RTL4: variants seen among roughly 807,000 people sequenced by gnomAD.
The protein encoded by RTL4 is retrotransposon Gag like 4.
A neutral mutation model predicts 5.3 loss-of-function variants in RTL4; 4 were observed. That is an observed-to-expected ratio of 0.75 (90% CI 0.37 to 1.72). The LOEUF is 1.72. Ranked by LOEUF, RTL4 falls within the 40% of genes most tolerant of loss-of-function variation. RTL4 has a pLI of 0.04. For missense variants in RTL4, 260 were observed against 227.1 expected (o/e 1.14, Z -0.93); for synonymous variants, 98 against 87.3 (o/e 1.12, Z -0.68).
At chrX:112,420,970 C>G in the RTL4 span, among the ~76,000 whole-genome samples, 3 of 111,681 alleles carry the variant, frequency 2.7e-5, no homozygotes, top group Non-Finnish European at 3.8e-5. Flanking sequence ...TAAAGTTCCA[C>G]CACTACTGTA....
chrX:112,394,844 G>A, the RTL4 span, among the ~76,000 whole-genome samples: 25 of 111,502 alleles, frequency 2.2e-4, no homozygotes, highest in Non-Finnish European at 4.1e-4. Context: ...TCTTTTTATG[G>A]TTAGTATTAA....
At chrX:112,300,773 C>T in the RTL4 span, among the ~76,000 whole-genome samples, 26,523 of 111,422 alleles carry the variant, frequency 0.24, 2,510 homozygotes, top group Admixed American at 0.34. Flanking sequence ...AGCCACATTC[C>T]CCTGCTCCTA....
At chrX:112,191,082 A>T in the RTL4 span, among the ~76,000 whole-genome samples, 1 of 112,459 alleles carries the variant, frequency 8.9e-6, no homozygotes, top group Non-Finnish European at 1.9e-5. Flanking sequence ...GAAGGTAGGG[A>T]TGGTATATAA....
the RTL4 span, chrX:112,320,091 T>C: frequency 3.6e-5 from 4 of 111,842 alleles, no homozygotes; most frequent in Non-Finnish European, 7.5e-5. Context: ...ATATGCTGAG[T>C]TGCAGTGACA....
the RTL4 span, among the ~76,000 whole-genome samples, chrX:112,439,059 T>C: frequency 1.4e-4 from 16 of 111,868 alleles, no homozygotes; most frequent in African/African-American, 5.2e-4. Context: ...ACTAGCTTTC[T>C]CCAGTTCCTC....
chrX:112,125,004 G>C, the RTL4 span, among the ~76,000 whole-genome samples: 1 of 109,637 alleles, frequency 9.1e-6, no homozygotes, highest in South Asian at 4.0e-4. Context: ...AGGTTCAAGC[G>C]ATTCTCCTGC....
chrX:112,261,867 A>G, the RTL4 span, among the ~76,000 whole-genome samples: 1 of 111,473 alleles, frequency 9.0e-6, no homozygotes, highest in Non-Finnish European at 1.9e-5. Flanking sequence ...GGAACAGAAC[A>G]GAGGCCTCAG....
the RTL4 span, among the ~76,000 whole-genome samples, chrX:112,144,488 A>T: frequency 9.0e-6 from 1 of 111,126 alleles, no homozygotes; most frequent in Non-Finnish European, 1.9e-5. Context: ...ATGTATGGGG[A>T]TCATACTTTG....
chrX:112,358,597 C>T, the RTL4 span, among the ~76,000 whole-genome samples: 3 of 111,354 alleles, frequency 2.7e-5, no homozygotes, highest in African/African-American at 6.5e-5. Context: ...ACAACCCAGT[C>T]GCTCTACATC....
chrX:112,330,084 C>G, the RTL4 span, among the ~76,000 whole-genome samples: 22 of 98,916 alleles, frequency 2.2e-4, no homozygotes, highest in African/African-American at 8.4e-4. Flanking sequence ...GAAGCATTCC[C>G]TTTGAAAACT....
At chrX:112,313,553 A>G in the RTL4 span, among the ~76,000 whole-genome samples, 1 of 111,239 alleles carries the variant, frequency 9.0e-6, no homozygotes, top group East Asian at 2.8e-4. Flanking sequence ...CAAGAGCTGC[A>G]TAACTTTAAA....
chrX:112,303,179 C>A, the RTL4 span, among the ~76,000 whole-genome samples: 1 of 111,889 alleles, frequency 8.9e-6, no homozygotes, highest in Non-Finnish European at 1.9e-5. Flanking sequence ...GTTTATATTA[C>A]AATGTATGTT....
the RTL4 span, among the ~76,000 whole-genome samples, chrX:112,376,696 C>T: frequency 9.0e-6 from 1 of 111,522 alleles, no homozygotes; most frequent in African/African-American, 3.3e-5. Context: ...TAGTTTTGCA[C>T]CGTCATTTGT....
At chrX:112,125,086 A>T in the RTL4 span, among the ~76,000 whole-genome samples, 193 of 88,397 alleles carry the variant, frequency 2.2e-3, 1 homozygote, top group Admixed American at 3.6e-3. Context: ...TTTTTTTTTT[A>T]TTAGAGATGG....
the RTL4 span, among the ~76,000 whole-genome samples, chrX:112,126,949 A>C: frequency 4.5e-5 from 5 of 112,112 alleles, no homozygotes; most frequent in East Asian, 1.4e-3. Context: ...CCAAAAAAGA[A>C]AAGTCCAGGA....
the RTL4 span, among the ~76,000 whole-genome samples, chrX:112,366,874 A>G: frequency 4.5e-5 from 5 of 111,988 alleles, no homozygotes; most frequent in Non-Finnish European, 9.4e-5. Context: ...GCCTAGTCTA[A>G]GGCAGCTTTG....
chrX:112,296,791 G>A, the RTL4 span, among the ~76,000 whole-genome samples: 1 of 93,860 alleles, frequency 1.1e-5, no homozygotes, highest in Admixed American at 1.2e-4. Flanking sequence ...TTTTTTTTTT[G>A]TATTTTTAGT....
chrX:112,155,999 G>A, the RTL4 span, among the ~76,000 whole-genome samples: 13 of 112,097 alleles, frequency 1.2e-4, no homozygotes, highest in South Asian at 3.7e-4. Flanking sequence ...GCAGCTCAGC[G>A]TCAAATTGTA....
chrX:112,393,243 G>A, the RTL4 span, among the ~76,000 whole-genome samples: 2 of 100,922 alleles, frequency 2.0e-5, no homozygotes, highest in Middle Eastern at 5.2e-3. Context: ...GCGCGATCTC[G>A]GCTCACTGCA....
Sources: allele counts gnomAD v4.1 joint callset (sites outside exome capture counted in the v4.1 genomes callset), GRCh38; gene constraint gnomAD v4.1.1; transcripts MANE v1.5; gene names NCBI Gene and HGNC (gene_info 2026-07-23, HGNC 2026-07-21).